The following ADCY5 variants were observed in gnomAD, a reference collection of about 807,000 sequenced individuals.
ADCY5 encodes adenylate cyclase type 5.
Under a neutral mutation model 119.7 loss-of-function variants are expected in ADCY5, and 30 were observed. That is an observed-to-expected ratio of 0.25 (90% CI 0.19 to 0.34). The LOEUF (loss-of-function observed/expected upper bound fraction) is 0.34. Ranked by LOEUF, ADCY5 falls within the 10% of genes least tolerant of loss-of-function variation. ADCY5 has a pLI of 1.00. For missense variants in ADCY5, 1,324 were observed against 1,775.2 expected, an observed-to-expected ratio of 0.75 and a Z score of 4.57; for synonymous variants, 753 against 762.2, an observed-to-expected ratio of 0.99 and a Z score of 0.20.
chr3:123,292,646 A>G (rs1939226642), intron 17 of ADCY5, among the ~76,000 whole-genome samples: 1 of 151,836 alleles, frequency 6.6e-6, no homozygotes, highest in African/African-American at 2.4e-5. Flanking sequence ...CCCTTTACCC[A>G]TGTCCCTCGC....
chr3:123,392,409 A>T (rs192573880), intron 1 of ADCY5, among the ~76,000 whole-genome samples: 1 of 152,290 alleles, frequency 6.6e-6, no homozygotes, highest in East Asian at 1.9e-4. Flanking sequence ...CCTGGGGTTC[A>T]GAAAGTCTGA....
intron 2 of ADCY5, among the ~76,000 whole-genome samples, chr3:123,349,503 G>A (rs776869463): frequency 6.6e-6 from 1 of 152,046 alleles, no homozygotes; most frequent in Non-Finnish European, 1.5e-5. Flanking sequence ...CCTCCCTGAC[G>A]CCTGCACAGC....
chr3:123,322,199 G>A lies in ADCY5; in HGVS notation c.2089-1428C>T, dbSNP rs182309388. ...GAGCTCCCTGTGGAAGACCCCCTGC[G>A]AGGGGTTGGCCCACTCAATTCCATC... On this transcript the variant is annotated intron_variant, in intron 8 of 20. Coordinates refer to ENST00000462833, the MANE Select transcript of ADCY5 (RefSeq NM_183357.3). 9.2e-5 allele frequency among the ~76,000 whole-genome samples: 14 copies of A among 152,348 alleles called. No homozygotes were observed. The South Asian group carries it at 2.3e-3, about 25-fold the overall frequency.
intron 3 of ADCY5, among the ~76,000 whole-genome samples, chr3:123,346,943 T>C (rs541817592): frequency 6.6e-6 from 1 of 152,296 alleles, no homozygotes; most frequent in African/African-American, 2.4e-5. Flanking sequence ...TCTATTAATC[T>C]ACATCTGTTT....
At chr3:123,399,545 G>A (rs951509523) in intron 1 of ADCY5, among the ~76,000 whole-genome samples, 4 of 151,814 alleles carry the variant, frequency 2.6e-5, no homozygotes, top group Non-Finnish European at 5.9e-5. Flanking sequence ...AACACATAAC[G>A]TAAAATCTAC....
intron 1 of ADCY5, among the ~76,000 whole-genome samples, chr3:123,417,125 G>A (rs1001559463): frequency 1.3e-5 from 2 of 152,064 alleles, no homozygotes; most frequent in African/African-American, 2.4e-5. Context: ...TCCCCCGAGA[G>A]AGCTGAGAGC....
At chr3:123,309,499 A>AG (rs1940425116) in intron 12 of ADCY5, among the ~76,000 whole-genome samples, 1 of 152,142 alleles carries the variant, frequency 6.6e-6, no homozygotes, top group Non-Finnish European at 1.5e-5. Context: ...ACCACTTCCT[A>AG]ACTCCAGGAT....
chr3:123,343,849 C>T (rs781703230), intron 3 of ADCY5, among the ~76,000 whole-genome samples: 6 of 152,170 alleles, frequency 3.9e-5, no homozygotes, highest in Non-Finnish European at 8.8e-5. Context: ...GCTGACCCCC[C>T]GCCCCGTCAG....
chr3:123,292,946 G>A (rs1178032783), intron 17 of ADCY5, among the ~76,000 whole-genome samples: 1 of 152,198 alleles, frequency 6.6e-6, no homozygotes, highest in Non-Finnish European at 1.5e-5. Context: ...AGTGGAGGTG[G>A]AAGCTAGGGG....
intron 3 of ADCY5, among the ~76,000 whole-genome samples, chr3:123,340,553 T>C (rs1333748002): frequency 1.3e-5 from 2 of 152,152 alleles, no homozygotes; most frequent in Non-Finnish European, 2.9e-5. Flanking sequence ...CCTCCCTTCT[T>C]ATCTCCCACA....
At chr3:123,289,480 T>C (rs1490986980) in intron 19 of ADCY5, among the ~76,000 whole-genome samples, 1 of 152,208 alleles carries the variant, frequency 6.6e-6, no homozygotes, top group Non-Finnish European at 1.5e-5. Flanking sequence ...CTGAGTGAGG[T>C]GGGAACTCAC....
chr3:123,414,165 TG>T (rs2107628495), intron 1 of ADCY5, among the ~76,000 whole-genome samples: 1 of 152,248 alleles, frequency 6.6e-6, no homozygotes, highest in Non-Finnish European at 1.5e-5. Flanking sequence ...TTCAAAGACC[TG>T]CCACCACTCC....
intron 1 of ADCY5, among the ~76,000 whole-genome samples, chr3:123,428,816 C>T (rs917542671): frequency 2.0e-5 from 3 of 152,242 alleles, no homozygotes; most frequent in Admixed American, 6.5e-5. Context: ...ATCAGACTCT[C>T]TTGACGAGGG....
At chr3:123,293,639 G>A (rs1023724441) in intron 17 of ADCY5, among the ~76,000 whole-genome samples, 2 of 152,172 alleles carry the variant, frequency 1.3e-5, no homozygotes, top group Non-Finnish European at 2.9e-5. Context: ...ATAATGGGAG[G>A]TGAGTTTCTC....
chr3:123,283,482 A>G lies in ADCY5; in HGVS notation c.*1126T>C, dbSNP rs544947803. On this transcript the variant is annotated 3_prime_UTR_variant, in exon 21 of 21. Transcript: ENST00000462833. The stretch of plus-strand genomic sequence containing the variant: ...AAGGAGGGTGTGTGCATGTGTGTAC[A>G]TACGTGTGCGTGTGTCAGAAAAGAT... 6 of 151,980 alleles carry G rather than the reference A, an allele frequency of 3.9e-5. No homozygotes were observed. The highest frequency in any genetic ancestry group is 1.2e-4 in the African/African-American group (5 of 41,216). 9.4% of individuals were successfully genotyped at this position (151,980 alleles called of 1,614,324 possible). A position where few individuals can be genotyped will look rare whatever the true frequency, so the allele number is the denominator to read the frequency against.
intron 1 of ADCY5, among the ~76,000 whole-genome samples, chr3:123,362,697 G>T (rs1037981124): frequency 6.6e-6 from 1 of 152,132 alleles, no homozygotes; most frequent in African/African-American, 2.4e-5. Flanking sequence ...GCACGGAAGT[G>T]GTTGGGAGGA....
At chr3:123,364,268 A>G (rs1231440190) in intron 1 of ADCY5, among the ~76,000 whole-genome samples, 1 of 152,266 alleles carries the variant, frequency 6.6e-6, no homozygotes, top group East Asian at 1.9e-4. Context: ...TGCTATGAGC[A>G]CGGCTGGCTG....
At chr3:123,402,661 T>C (rs1436233879) in intron 1 of ADCY5, among the ~76,000 whole-genome samples, 1 of 151,770 alleles carries the variant, frequency 6.6e-6, no homozygotes. Flanking sequence ...CCATCCTGGC[T>C]AACACGGTGA....
At chr3:123,397,015 G>A (rs1050964064) in intron 1 of ADCY5, among the ~76,000 whole-genome samples, 2 of 152,078 alleles carry the variant, frequency 1.3e-5, no homozygotes, top group Non-Finnish European at 2.9e-5. Flanking sequence ...AGGTCCCGCC[G>A]AGAAGGAATT....
Sources: allele counts gnomAD v4.1 joint callset (sites outside exome capture counted in the v4.1 genomes callset), GRCh38; gene constraint gnomAD v4.1.1; transcripts MANE v1.5; gene names NCBI Gene and HGNC (gene_info 2026-07-23, HGNC 2026-07-21).